ABR: variants seen among roughly 807,000 people sequenced by gnomAD.
ABR encodes active breakpoint cluster region-related protein.
In ABR, 35 loss-of-function variants were observed where a neutral mutation model predicts 107.2. The ratio of observed to expected loss-of-function variants is 0.33; its 90% CI spans 0.25 to 0.43. ABR has a LOEUF of 0.43. Ranked by LOEUF, ABR falls within the 20% of genes least tolerant of loss-of-function variation. ABR has a pLI of 1.00. For missense variants in ABR, 815 were observed against 1,115.2 expected, an observed-to-expected ratio of 0.73 and a Z score of 3.83; for synonymous variants, 498 against 462.0, an observed-to-expected ratio of 1.08 and a Z score of -1.00.
rs140563971 is a variant in ABR, at chr17:1,036,843, A to G, written c.1791+13207T>C. Among the ~76,000 whole-genome samples, 409 of 152,184 alleles carry G rather than the reference A, an allele frequency of 2.7e-3. 7 individuals carry two copies. The South Asian group carries it at 0.035, about 13-fold the overall frequency. On this transcript the variant is annotated intron_variant, in intron 16 of 22. Coordinates refer to ENST00000302538, the MANE Select transcript of ABR (RefSeq NM_021962.5). ...AATGTCTTCCCAGAATGAGACACTG[A>G]GACTCACTCTAGGTTTTTCTCCCCA...
At chr17:1,097,299 G>A (rs1489153576) in intron 3 of ABR, among the ~76,000 whole-genome samples, 2 of 152,154 alleles carry the variant, frequency 1.3e-5, no homozygotes, top group Non-Finnish European at 2.9e-5. Flanking sequence ...TGTGTTCTAA[G>A]AGCTTTATGT....
chr17:1,036,497 C>T (rs2073187839), intron 16 of ABR, among the ~76,000 whole-genome samples: 1 of 150,890 alleles, frequency 6.6e-6, no homozygotes, highest in Admixed American at 6.6e-5. Flanking sequence ...GGCTGGGGGG[C>T]AAGAAGGTGC....
intron 16 of ABR, among the ~76,000 whole-genome samples, chr17:1,029,111 A>G (rs1054673125): frequency 2.6e-5 from 4 of 152,002 alleles, no homozygotes; most frequent in African/African-American, 9.7e-5. Flanking sequence ...GCAAAAAAAA[A>G]AAAAAACAAA....
At chr17:1,013,226 C>T (rs4968074) in intron 16 of ABR, 62 bp from the exon 17 acceptor site, 582,035 of 1,519,826 alleles carry the variant, frequency 0.38, 112,991 homozygotes, top group Admixed American at 0.47. Flanking sequence ...GAGATCTCCC[C>T]GTGGGTCAGC....
chr17:1,051,341 CAG>C lies in ABR; in HGVS notation c.1562-709_1562-708del, dbSNP rs1440726021. Among the ~76,000 whole-genome samples, 1 of 152,144 alleles carries C rather than the reference CAG, an allele frequency of 6.6e-6. No individual in the cohort carries two copies. Among genetic ancestry groups the C allele is most frequent in the Non-Finnish European group, 1.5e-5 (1 of 68,022 alleles). ...GCCGGTGTACCCGCAGTACCAAGAA[CAG>C]GGCTGGGAACCCAGCTGGCACACGG... On this transcript the variant is annotated intron_variant, in intron 14 of 22. Transcript: ENST00000302538. The surrounding 1 kb of genome is among the most constrained non-coding windows in gnomAD (Gnocchi z 4.3).
At chr17:1,021,305 G>A (rs927522300) in intron 16 of ABR, among the ~76,000 whole-genome samples, 6 of 152,186 alleles carry the variant, frequency 3.9e-5, no homozygotes, top group Admixed American at 3.3e-4. Context: ...CCTGAAAGCC[G>A]CTTCCCTCAG....
chr17:1,078,687 G>T lies in ABR; in HGVS notation c.700+643C>A. ...GCCGCCAAAACGAAGGGGGAATTCA[G>T]GTCCAGCCGCTCGCCCACCCTCCTT... On this transcript the variant is annotated intron_variant, in intron 6 of 22. Coordinates refer to ENST00000302538, the MANE Select transcript of ABR (RefSeq NM_021962.5). The surrounding 1 kb of genome is among the most constrained non-coding windows in gnomAD (Gnocchi z 7.5). 2 of 1,002,530 alleles carry T rather than the reference G, an allele frequency of 2.0e-6. No homozygotes were observed. Among genetic ancestry groups the T allele is most frequent in the Non-Finnish European group, 2.9e-6 (2 of 688,698 alleles). The allele number at this position is 1,002,530 out of a possible 1,614,324, so 62.1% of individuals were successfully genotyped here. A position where few individuals can be genotyped will look rare whatever the true frequency, so the allele number is the denominator to read the frequency against.
intron 1 of ABR, among the ~76,000 whole-genome samples, chr17:1,176,838 C>G (rs1476631625): frequency 6.6e-6 from 1 of 150,952 alleles, no homozygotes; most frequent in Non-Finnish European, 1.5e-5. Flanking sequence ...AGACGGAGAC[C>G]CCGTCTCAAA....
upstream of ABR, among the ~76,000 whole-genome samples, chr17:1,181,157 C>G (rs954506798): frequency 6.6e-6 from 1 of 152,232 alleles, no homozygotes; most frequent in Admixed American, 6.5e-5. Flanking sequence ...GGTCGGCACC[C>G]GCAGAACGCT....
chr17:1,114,590 C>G (rs1019420968), intron 2 of ABR, among the ~76,000 whole-genome samples: 3 of 151,772 alleles, frequency 2.0e-5, no homozygotes, highest in African/African-American at 7.3e-5. Flanking sequence ...CTGGCTAACA[C>G]GGTGAAACCC....
chr17:1,067,669 T>C (rs1668202751), intron 9 of ABR, among the ~76,000 whole-genome samples: 1 of 152,230 alleles, frequency 6.6e-6, no homozygotes. Context: ...TGCCACCTCT[T>C]ATCAAGAGTG....
intron 1 of ABR, among the ~76,000 whole-genome samples, chr17:1,223,865 A>G (rs2043166529): frequency 6.6e-6 from 1 of 152,126 alleles, no homozygotes; most frequent in African/African-American, 2.4e-5. Context: ...GCCCGGGGGA[A>G]ACCGCCCCAT....
intron 1 of ABR, among the ~76,000 whole-genome samples, chr17:1,159,367 G>T (rs377415089): frequency 2.1e-5 from 2 of 94,080 alleles, no homozygotes; most frequent in African/African-American, 8.0e-5. Flanking sequence ...CTCACACACA[G>T]GAGAAGTAAG....
chr17:1,215,175 T>TCC (rs944578432), intron 1 of ABR, among the ~76,000 whole-genome samples: 1 of 148,028 alleles, frequency 6.8e-6, no homozygotes. Context: ...AGCCTAGATC[T>TCC]CCCCACTACA....
intron 21 of ABR, among the ~76,000 whole-genome samples, chr17:1,009,108 CTA>C (rs2070299636): frequency 2.0e-5 from 3 of 152,142 alleles, no homozygotes; most frequent in Admixed American, 2.0e-4. Flanking sequence ...CCACACGTCT[CTA>C]TGTAACTGAA....
upstream of ABR, among the ~76,000 whole-genome samples, chr17:1,184,449 G>A (rs1198965259): frequency 1.3e-5 from 2 of 151,966 alleles, no homozygotes; most frequent in East Asian, 1.9e-4. Flanking sequence ...GCAAGACTCC[G>A]TCTCAAAAAT....
At chr17:1,057,177 C>CT in intron 12 of ABR, 75 bp from the exon 13 acceptor site, 1 of 1,014,974 alleles carries the variant, frequency 9.9e-7, no homozygotes, top group Non-Finnish European at 1.5e-6. Context: ...CTGGGGGCTG[C>CT]TGCAGGAAGA....
chr17:1,076,865 G>GCCCTTCCCCTGT (rs1297526317), intron 6 of ABR, among the ~76,000 whole-genome samples: 3 of 152,138 alleles, frequency 2.0e-5, no homozygotes, highest in Non-Finnish European at 4.4e-5. Flanking sequence ...ACTCGCTCTG[G>GCCCTTCCCCTGT]CCCTTCCCCT....
At chr17:1,049,700 C>T (rs540821348) in intron 16 of ABR, among the ~76,000 whole-genome samples, 1 of 152,234 alleles carries the variant, frequency 6.6e-6, no homozygotes. Context: ...TCCTCACACA[C>T]AGCATTCCTC....
Sources: gnomAD v4.1 joint callset for allele counts (sites outside exome capture counted in the v4.1 genomes callset) on GRCh38, gnomAD v4.1.1 for gene constraint, Gnocchi (gnomAD v3.1) non-coding constraint, MANE v1.5 for transcripts, NCBI Gene and HGNC (gene_info 2026-07-23, HGNC 2026-07-21) for gene names.